The following ZNF385B variants were observed in gnomAD, a reference collection of about 807,000 sequenced individuals.
ZNF385B encodes zinc finger protein 533.
ZNF385B carries 23 observed loss-of-function variants against 39.2 expected under a neutral mutation model. The observed-to-expected ratio is 0.59, with a 90% CI of 0.42 to 0.83. ZNF385B has a LOEUF of 0.83. Among genes scored for constraint, ZNF385B ranks in the 40% least tolerant of loss-of-function variants. The pLI is 0.00. For synonymous variants in ZNF385B, 205 were observed against 222.6 expected, an observed-to-expected ratio of 0.92 and a Z score of 0.70; for missense variants, 552 against 598.9, an observed-to-expected ratio of 0.92 and a Z score of 0.82.
At chr2:179,590,022 A>C (rs1026040611) in intron 3 of ZNF385B, among the ~76,000 whole-genome samples, 7 of 152,228 alleles carry the variant, frequency 4.6e-5, no homozygotes, top group African/African-American at 1.7e-4. Flanking sequence ...TACATGTTTA[A>C]AAAGGCCTGG....
intron 3 of ZNF385B, among the ~76,000 whole-genome samples, chr2:179,579,904 A>C (rs1399632162): frequency 6.6e-6 from 1 of 152,188 alleles, no homozygotes; most frequent in East Asian, 1.9e-4. Context: ...TTAGTGAGTT[A>C]AGTAACTTGC....
chr2:179,578,178 C>CT (rs1686058326), intron 3 of ZNF385B, among the ~76,000 whole-genome samples: 1 of 152,086 alleles, frequency 6.6e-6, no homozygotes, highest in Admixed American at 6.6e-5. Flanking sequence ...TTCAGAAGCT[C>CT]TAATTCATTT....
intron 3 of ZNF385B, among the ~76,000 whole-genome samples, chr2:179,768,692 T>C (rs899519116): frequency 6.6e-6 from 1 of 152,222 alleles, no homozygotes; most frequent in African/African-American, 2.4e-5. Flanking sequence ...GACTGTCTTT[T>C]GTAGAAATCT....
rs148411572 is a variant in ZNF385B, at chr2:179,607,379, T to C, written c.299-62410A>G. Among the ~76,000 whole-genome samples, 1,135 of 152,046 alleles carry C rather than the reference T, an allele frequency of 7.5e-3. 14 individuals carry two copies. The highest frequency in any genetic ancestry group is 0.025 in the African/African-American group (1,045 of 41,420). ...AGAGAGTTCTCATGAGATCTGATGG[T>C]TTAAAACTGTGGCACCTCCTCCCTC... On this transcript the variant is annotated intron_variant, in intron 3 of 9. Transcript: ENST00000410066.
chr2:179,655,334 A>C (rs1048557701), intron 3 of ZNF385B, among the ~76,000 whole-genome samples: 1 of 152,174 alleles, frequency 6.6e-6, no homozygotes, highest in Non-Finnish European at 1.5e-5. Flanking sequence ...CCAAAATAGA[A>C]GATAAGCTGA....
intron 4 of ZNF385B, among the ~76,000 whole-genome samples, chr2:179,528,504 A>G (rs17748453): frequency 0.071 from 10,764 of 152,268 alleles, 425 homozygotes; most frequent in South Asian, 0.12. Flanking sequence ...TTGTGTGAGG[A>G]TATTACAACA....
At chr2:179,579,610 C>T (rs876800) in intron 3 of ZNF385B, among the ~76,000 whole-genome samples, 104,888 of 151,966 alleles carry the variant, frequency 0.69, 36,978 homozygotes, top group East Asian at 0.91. Context: ...AAATCCATAT[C>T]ATAAATTTTA....
At chr2:179,685,973 A>G (rs1332215317) in intron 3 of ZNF385B, among the ~76,000 whole-genome samples, 1 of 152,166 alleles carries the variant, frequency 6.6e-6, no homozygotes, top group Non-Finnish European at 1.5e-5. Context: ...GCCTTCTATT[A>G]ATTGGGAAGG....
intron 3 of ZNF385B, among the ~76,000 whole-genome samples, chr2:179,572,420 T>C (rs1685326794): frequency 2.0e-5 from 3 of 151,952 alleles, no homozygotes; most frequent in Admixed American, 2.0e-4. Flanking sequence ...AAAACACTGA[T>C]ATGGCAAAGG....
intron 1 of ZNF385B, among the ~76,000 whole-genome samples, chr2:179,837,174 T>C (rs1354431698): frequency 6.6e-6 from 1 of 152,228 alleles, no homozygotes; most frequent in Non-Finnish European, 1.5e-5. Flanking sequence ...TGCTAACTAA[T>C]AAAGCAGGGA....
intron 4 of ZNF385B, among the ~76,000 whole-genome samples, chr2:179,527,975 T>C (rs1188227035): frequency 1.4e-5 from 2 of 143,912 alleles, no homozygotes; most frequent in African/African-American, 5.4e-5. Flanking sequence ...AAAGAAACAA[T>C]ATTTTACCAG....
intron 7 of ZNF385B, 46 bp from the exon 8 acceptor site, chr2:179,445,774 A>T: frequency 6.7e-7 from 1 of 1,490,496 alleles, no homozygotes; most frequent in Non-Finnish European, 8.9e-7. Context: ...CAAGAATTAT[A>T]TAAAGCTCTT....
intron 3 of ZNF385B, among the ~76,000 whole-genome samples, chr2:179,688,224 A>C (rs1698074981): frequency 6.6e-6 from 1 of 152,188 alleles, no homozygotes; most frequent in South Asian, 2.1e-4. Context: ...AATTAGAGAA[A>C]AGATGCCTAA....
Position 179,527,644 on chromosome 2 carries a change from G to A in ZNF385B, c.442-9006C>T, listed in dbSNP as rs555449234. On this transcript the variant is annotated intron_variant, in intron 4 of 9. Coordinates refer to ENST00000410066, the MANE Select transcript of ZNF385B (RefSeq NM_152520.6). Reference sequence around the variant, plus strand: ...AAGTGCAACTCTTTCAGAGGTAAGGGTTTCATATCAACTTTAAATATTCAG... The same window carrying A: ...AAGTGCAACTCTTTCAGAGGTAAGGATTTCATATCAACTTTAAATATTCAG... 2.0e-5 allele frequency among the ~76,000 whole-genome samples: 3 copies of A among 151,998 alleles called. No homozygotes were observed. In the East Asian group the frequency reaches 5.8e-4, roughly 29 times the overall value.
At chr2:179,713,378 T>C (rs75921142) in intron 3 of ZNF385B, among the ~76,000 whole-genome samples, 2,751 of 152,306 alleles carry the variant, frequency 0.018, 76 homozygotes, top group African/African-American at 0.058. Context: ...GTTCTTCAAA[T>C]ACATCATCAC....
At chr2:179,454,969 G>A (rs952991952) in intron 6 of ZNF385B, among the ~76,000 whole-genome samples, 2 of 152,110 alleles carry the variant, frequency 1.3e-5, no homozygotes, top group African/African-American at 4.8e-5. Context: ...TGTAGCCTGA[G>A]CATATAGTGC....
At chr2:179,798,875 T>G (rs1393103330) in intron 1 of ZNF385B, among the ~76,000 whole-genome samples, 1 of 152,066 alleles carries the variant, frequency 6.6e-6, no homozygotes, top group Non-Finnish European at 1.5e-5. Context: ...TTTATGTTGT[T>G]TCCAAATTTT....
chr2:179,749,937 C>T (rs1367725062), intron 3 of ZNF385B, among the ~76,000 whole-genome samples: 4 of 151,992 alleles, frequency 2.6e-5, no homozygotes, highest in African/African-American at 4.8e-5. Flanking sequence ...AAAGATAATC[C>T]GTCCTTCACT....
At chr2:179,661,781 C>T (rs531693551) in intron 3 of ZNF385B, among the ~76,000 whole-genome samples, 28 of 152,312 alleles carry the variant, frequency 1.8e-4, no homozygotes, top group African/African-American at 5.5e-4. Context: ...GAAGTATTCA[C>T]GACTGTGGTG....
Sources: allele counts gnomAD v4.1 joint callset (sites outside exome capture counted in the v4.1 genomes callset), GRCh38; gene constraint gnomAD v4.1.1; transcripts MANE v1.5; gene names NCBI Gene and HGNC (gene_info 2026-07-23, HGNC 2026-07-21).